The following CENPC variants were observed in gnomAD, a reference collection of about 807,000 sequenced individuals.
CENPC encodes the protein CENP-C 1.
In CENPC, 63 loss-of-function variants were observed where a neutral mutation model predicts 112.1. The ratio of observed to expected loss-of-function variants is 0.56; its 90% CI spans 0.46 to 0.69. The LOEUF is 0.69. CENPC is among the 30% of genes least tolerant of loss of function. The probability of loss-of-function intolerance (pLI) is 0.00; values close to 1 mark genes in which losing one functional copy is unlikely to be tolerated. For missense variants in CENPC, 1,000 were observed against 1,103.8 expected (o/e 0.91, Z 1.33); for synonymous variants, 333 against 367.6 (o/e 0.91, Z 1.08).
intron 17 of CENPC, 67 bp downstream of exon 17, chr4:67,489,900 C>A: frequency 7.9e-7 from 1 of 1,269,992 alleles, no homozygotes; most frequent in South Asian, 1.7e-5. Flanking sequence ...ATTTTAATGT[C>A]TCATCAAATC....
chr4:67,539,575 A>G (rs944630677), intron 4 of CENPC, among the ~76,000 whole-genome samples: 14 of 152,168 alleles, frequency 9.2e-5, no homozygotes, highest in Admixed American at 3.9e-4. Context: ...ATTTTCCTAA[A>G]AACCTAATTT....
rs1288821011 is a variant in CENPC, at chr4:67,468,865, T to A, written c.*3740A>T. 6.6e-6 allele frequency: 1 copy of A among 152,194 alleles called. No individual in the cohort carries two copies. Among genetic ancestry groups the A allele is most frequent in the African/African-American group, 2.4e-5 (1 of 41,440 alleles). The allele number at this position is 152,194 out of a possible 1,614,324, so 9.4% of individuals were successfully genotyped here. ...ATGAGCTATTGATAGGTATAACTGC[T>A]TGGATGATCTTAAGGGCTTTATGCT... On this transcript the variant is annotated 3_prime_UTR_variant, in exon 19 of 19. Transcript: ENST00000273853.
At chr4:67,505,045 C>T (rs1725696042) in intron 12 of CENPC, 160 bp downstream of exon 12, 1 of 583,214 alleles carries the variant, frequency 1.7e-6, no homozygotes, top group African/African-American at 1.9e-5. Context: ...CTTTCTGTCT[C>T]ACTTAGGTAC....
At chr4:67,483,003 T>A (rs1392725338) in intron 17 of CENPC, among the ~76,000 whole-genome samples, 2 of 152,110 alleles carry the variant, frequency 1.3e-5, no homozygotes, top group Non-Finnish European at 2.9e-5. Context: ...TGAGAGTGAG[T>A]TCTCACAAGA....
At chr4:67,499,262 G>C (rs1725524598) in intron 12 of CENPC, among the ~76,000 whole-genome samples, 1 of 152,214 alleles carries the variant, frequency 6.6e-6, no homozygotes, top group South Asian at 2.1e-4. Context: ...GACCTTGGAA[G>C]CTTTGAAGTC....
At chr4:67,487,987 C>G (rs1279942218) in intron 17 of CENPC, among the ~76,000 whole-genome samples, 1 of 151,392 alleles carries the variant, frequency 6.6e-6, no homozygotes, top group East Asian at 1.9e-4. Context: ...TTAAAAAAAA[C>G]TTCAGCTTTA....
chr4:67,543,008 C>T (rs1290683146), intron 2 of CENPC, among the ~76,000 whole-genome samples: 2 of 152,162 alleles, frequency 1.3e-5, no homozygotes, highest in East Asian at 3.8e-4. Context: ...AGCATAAAAG[C>T]ACCTCCACCA....
chr4:67,473,224 C>T (rs1724717616), intron 18 of CENPC, among the ~76,000 whole-genome samples: 1 of 152,052 alleles, frequency 6.6e-6, no homozygotes, highest in Admixed American at 6.5e-5. Flanking sequence ...AGCCACCGCG[C>T]CCGGCCAAAA....
chr4:67,512,840 GA>G (rs981830373), intron 8 of CENPC, among the ~76,000 whole-genome samples: 2 of 149,882 alleles, frequency 1.3e-5, no homozygotes, highest in Non-Finnish European at 3.0e-5. Context: ...TTCTGAAACT[GA>G]AAAAAAAATA....
At chr4:67,541,838 T>C (rs1283767362) in intron 2 of CENPC, among the ~76,000 whole-genome samples, 1 of 152,150 alleles carries the variant, frequency 6.6e-6, no homozygotes, top group Admixed American at 6.6e-5. Flanking sequence ...CTTTCTCTCA[T>C]CTCCTTCCTG....
rs1724691060 is a variant in CENPC, at chr4:67,472,435, A to G, written c.*170T>C. 5 of 873,930 alleles carry G rather than the reference A, an allele frequency of 5.7e-6. No individual in the cohort carries two copies. Among genetic ancestry groups the G allele is most frequent in the Non-Finnish European group, 7.3e-6 (5 of 683,324 alleles). The allele number at this position is 873,930 out of a possible 1,614,324, so 54.1% of individuals were successfully genotyped here. The stretch of plus-strand genomic sequence containing the variant: ...TATTATGTACAGTCACTGAAAAATC[A>G]GAAAAAACATGTGAGTTAGAAATGT... On this transcript the variant is annotated 3_prime_UTR_variant, in exon 19 of 19. Coordinates refer to ENST00000273853, the MANE Select transcript of CENPC (RefSeq NM_001812.4).
At chr4:67,485,210 GCT>G (rs1375279099) in intron 17 of CENPC, among the ~76,000 whole-genome samples, 6 of 152,106 alleles carry the variant, frequency 3.9e-5, no homozygotes, top group African/African-American at 1.4e-4. Flanking sequence ...AAAGCAAAAA[GCT>G]AAATCCCTAT....
At chr4:67,479,413 A>G (rs554933612) in intron 17 of CENPC, among the ~76,000 whole-genome samples, 12 of 152,334 alleles carry the variant, frequency 7.9e-5, no homozygotes, top group Admixed American at 4.6e-4. Context: ...GTCAACTCCA[A>G]AATGAACCCT....
intron 7 of CENPC, among the ~76,000 whole-genome samples, chr4:67,516,011 A>G (rs1726048390): frequency 6.6e-6 from 1 of 152,036 alleles, no homozygotes; most frequent in African/African-American, 2.4e-5. Flanking sequence ...CCAGTGTTGT[A>G]AAAGGCTAAA....
rs535133606 is a variant in CENPC, at chr4:67,524,267, G to A, written c.332-4765C>T. ...AATGCTTCTGTTTGAAAACTGGCAC[G>A]AGACAAGGATGCCCTCTCTCACCAC... On this transcript the variant is annotated intron_variant, in intron 5 of 18. Coordinates refer to ENST00000273853, the MANE Select transcript of CENPC (RefSeq NM_001812.4). 1.4e-4 allele frequency among the ~76,000 whole-genome samples: 21 copies of A among 152,128 alleles called. No homozygotes were observed. The South Asian group carries it at 2.1e-3, about 15-fold the overall frequency.
At chr4:67,503,660 T>C (rs1355156725) in intron 12 of CENPC, among the ~76,000 whole-genome samples, 1 of 152,128 alleles carries the variant, frequency 6.6e-6, no homozygotes, top group Non-Finnish European at 1.5e-5. Flanking sequence ...CAAAAAAATA[T>C]ATCCACTTAT....
At chr4:67,534,143 C>T (rs1157956747) in intron 4 of CENPC, among the ~76,000 whole-genome samples, 1 of 152,134 alleles carries the variant, frequency 6.6e-6, no homozygotes, top group Non-Finnish European at 1.5e-5. Flanking sequence ...TGGCTGGGCG[C>T]AGTGGCTCAC....
chr4:67,495,710 A>C (rs1229864118), intron 12 of CENPC, among the ~76,000 whole-genome samples: 2 of 152,224 alleles, frequency 1.3e-5, no homozygotes, highest in Non-Finnish European at 2.9e-5. Flanking sequence ...GAAATAAGCC[A>C]CTTGTGGATA....
chr4:67,545,224 G>T, intron 1 of CENPC, 114 bp downstream of exon 1: 1 of 1,072,456 alleles, frequency 9.3e-7, no homozygotes, highest in Non-Finnish European at 1.3e-6. Flanking sequence ...CTTTCCCACT[G>T]AAATCCCTCA....
Sources: gnomAD v4.1 joint callset for allele counts (sites outside exome capture counted in the v4.1 genomes callset) on GRCh38, gnomAD v4.1.1 for gene constraint, MANE v1.5 for transcripts, NCBI Gene and HGNC (gene_info 2026-07-23, HGNC 2026-07-21) for gene names.